CYP7B1: variants seen among roughly 807,000 people sequenced by gnomAD.
The protein encoded by CYP7B1 is cytochrome P450 family 7 subfamily B member 1.
CYP7B1 carries 29 observed loss-of-function variants against 42.7 expected under a neutral mutation model. The observed-to-expected ratio is 0.68, with a 90% confidence interval of 0.51 to 0.93. The LOEUF is 0.93. Ranked by LOEUF, CYP7B1 falls within the 40% of genes least tolerant of loss-of-function variation. CYP7B1 has a pLI of 0.00. For synonymous variants in CYP7B1, 235 were observed against 218.2 expected, an observed-to-expected ratio of 1.08 and a Z score of -0.68; for missense variants, 655 against 600.5, an observed-to-expected ratio of 1.09 and a Z score of -0.95.
At chr8:64,714,341 G>A (rs947776241) in intron 1 of CYP7B1, among the ~76,000 whole-genome samples, 1 of 152,164 alleles carries the variant, frequency 6.6e-6, no homozygotes, top group Admixed American at 6.5e-5. Context: ...GTGTGCAAAT[G>A]CATGAACAAA....
intron 1 of CYP7B1, among the ~76,000 whole-genome samples, chr8:64,784,358 A>G (rs536824917): frequency 9.0e-4 from 137 of 152,266 alleles, no homozygotes; most frequent in African/African-American, 3.3e-3. Flanking sequence ...ATATTCCACC[A>G]TGATAGCATT....
In CYP7B1 at chr8:64,604,677, C is replaced by G; in HGVS notation, c.1233+5G>C. The G allele has an allele frequency of 6.2e-7, 1 of 1,614,068 alleles. No homozygotes were observed. Among genetic ancestry groups the G allele is most frequent in the Admixed American group, 1.7e-5 (1 of 60,030 alleles). The stretch of plus-strand genomic sequence containing the variant: ...GTAGCAATCATAGGCTTGATGTTTA[C>G]TTACCTCTGGAGCTTCAAAGATTTC... On this transcript the variant is annotated splice_donor_5th_base_variant and intron_variant, in intron 5 of 5. Transcript: ENST00000310193.
chr8:64,770,997 C>A (rs1804213038), intron 1 of CYP7B1, among the ~76,000 whole-genome samples: 1 of 142,090 alleles, frequency 7.0e-6, no homozygotes, highest in Admixed American at 7.1e-5. Context: ...AAAACAACTT[C>A]CTCAATCTTC....
At chr8:64,590,295 G>T (rs528435484), downstream of CYP7B1, among the ~76,000 whole-genome samples, 1 of 152,156 alleles carries the variant, frequency 6.6e-6, no homozygotes, top group Non-Finnish European at 1.5e-5. Context: ...GAAAAGCCCA[G>T]TGTCCCAGGA....
Position 64,595,060 on chromosome 8 carries a change from G to A in CYP7B1, c.*1582C>T, listed in dbSNP as rs899068274. Among the ~76,000 whole-genome samples the A allele has an allele frequency of 6.6e-6, 1 of 152,186 alleles. No individual in the cohort carries two copies. Among genetic ancestry groups the A allele is most frequent in the African/African-American group, 2.4e-5 (1 of 41,458 alleles). Reference sequence around the variant, plus strand: ...TAATTAAACTCACTAACGGCTATCCGCCCAATAACAACAATGGATACCTTA... The same window carrying A: ...TAATTAAACTCACTAACGGCTATCCACCCAATAACAACAATGGATACCTTA... On this transcript the variant is annotated 3_prime_UTR_variant, in exon 6 of 6. Coordinates refer to ENST00000310193, the MANE Select transcript of CYP7B1 (RefSeq NM_004820.5).
intron 1 of CYP7B1, among the ~76,000 whole-genome samples, chr8:64,666,016 A>G (rs1358161672): frequency 6.6e-6 from 1 of 152,238 alleles, no homozygotes; most frequent in East Asian, 1.9e-4. Context: ...GATTTACTTT[A>G]TAAATGCATG....
Position 64,596,892 on chromosome 8 carries a change from T to G in CYP7B1, c.1271A>C (p.Lys424Thr), listed in dbSNP as rs751358527. 6.2e-7 allele frequency: 1 copy of G among 1,613,364 alleles called. No individual in the cohort carries two copies. Reference protein sequence around the residue: ...RYDRFIEDGKKKTTFFKRGKK... With the variant: ...RYDRFIEDGKTKTTFFKRGKK... Reference sequence around the variant, plus strand: ...CCCTCTTTTGAAAAAGGTGGTTTTCTTCTTACCATCTTCTATAAAACGATC... The same window carrying G: ...CCCTCTTTTGAAAAAGGTGGTTTTCGTCTTACCATCTTCTATAAAACGATC... The change falls in exon 6 of 6, where the codon AAG (lysine) becomes ACG (threonine). Residue 424 changes from lysine to threonine, a missense_variant. Transcript: ENST00000310193.
chr8:64,733,454 T>C (rs1798702081), intron 1 of CYP7B1, among the ~76,000 whole-genome samples: 1 of 152,154 alleles, frequency 6.6e-6, no homozygotes, highest in Admixed American at 6.5e-5. Context: ...ATGGGCATTA[T>C]CTCCTATCTC....
intron 1 of CYP7B1, among the ~76,000 whole-genome samples, chr8:64,700,466 A>G (rs573488585): frequency 1.3e-5 from 2 of 152,232 alleles, no homozygotes; most frequent in South Asian, 4.1e-4. Flanking sequence ...TTCCCATAGC[A>G]TTGTGTCAAA....
At chr8:64,636,486 C>T (rs1435585209) in intron 1 of CYP7B1, among the ~76,000 whole-genome samples, 3 of 152,088 alleles carry the variant, frequency 2.0e-5, no homozygotes, top group Non-Finnish European at 4.4e-5. Context: ...TGTACCAATA[C>T]CTGGGATCAT....
At chr8:64,651,383 T>A (rs1806036441) in intron 1 of CYP7B1, among the ~76,000 whole-genome samples, 1 of 152,226 alleles carries the variant, frequency 6.6e-6, no homozygotes, top group African/African-American at 2.4e-5. Flanking sequence ...CCTCTGTAAT[T>A]TAAAATAAAT....
chr8:64,613,133 C>T (rs1805386329), intron 4 of CYP7B1, among the ~76,000 whole-genome samples: 1 of 152,138 alleles, frequency 6.6e-6, no homozygotes, highest in South Asian at 2.1e-4. Flanking sequence ...ATCCAGGCTG[C>T]TGAAGGTACT....
rs1372832386 is a variant in CYP7B1 at position 64,595,749 on chromosome 8, C to T, written c.*893G>A. Among the ~76,000 whole-genome samples, 1 of 152,170 alleles carries T rather than the reference C, an allele frequency of 6.6e-6. No homozygotes were observed. The highest frequency in any genetic ancestry group is 1.5e-5 in the Non-Finnish European group (1 of 68,018). On this transcript the variant is annotated 3_prime_UTR_variant, in exon 6 of 6. Coordinates refer to ENST00000310193, the MANE Select transcript of CYP7B1 (RefSeq NM_004820.5). ...AATCCAAAAGGTGAGACATCAAAAC[C>T]AAATACTATATCTAGCTTCTCAGTT... is the stretch of plus-strand genomic sequence containing the variant.
intron 1 of CYP7B1, among the ~76,000 whole-genome samples, chr8:64,771,992 C>T (rs548757122): frequency 6.6e-6 from 1 of 152,320 alleles, no homozygotes; most frequent in African/African-American, 2.4e-5. Flanking sequence ...TGTACACCTT[C>T]CCTTCTTTCC....
intron 2 of CYP7B1, among the ~76,000 whole-genome samples, chr8:64,620,780 C>T (rs750974314): frequency 1.1e-4 from 17 of 152,282 alleles, no homozygotes; most frequent in Admixed American, 2.6e-4. Flanking sequence ...AGGGAGGTAT[C>T]GTGCACATTT....
Position 64,798,681 on chromosome 8 carries a change from C to G in CYP7B1, c.-94G>C. On this transcript the variant is annotated 5_prime_UTR_variant, in exon 1 of 6. Transcript: ENST00000310193. ...AGCCTGCGGCGGCTTCTCTCGGCGG[C>G]GCCCCCTAGTCCAGGGCCGGAGAGG... 2 of 1,356,004 alleles carry G rather than the reference C, an allele frequency of 1.5e-6. No homozygotes were observed. Among genetic ancestry groups the G allele is most frequent in the South Asian group, 1.5e-5 (1 of 64,778 alleles). The allele number at this position is 1,356,004 out of a possible 1,614,324, so 84.0% of individuals were successfully genotyped here. A position where few individuals can be genotyped will look rare whatever the true frequency, so the allele number is the denominator to read the frequency against.
chr8:64,653,665 G>A (rs962457547), intron 1 of CYP7B1, among the ~76,000 whole-genome samples: 2 of 152,152 alleles, frequency 1.3e-5, no homozygotes, highest in African/African-American at 2.4e-5. Flanking sequence ...CAGCATCATA[G>A]TGATACCAAA....
intron 1 of CYP7B1, among the ~76,000 whole-genome samples, chr8:64,675,922 C>G (rs1357025348): frequency 6.6e-6 from 1 of 152,228 alleles, no homozygotes; most frequent in East Asian, 1.9e-4. Context: ...CCATACACCC[C>G]CAGGGGGGTC....
chr8:64,744,167 G>GTCA lies in CYP7B1; in HGVS notation c.122+54296_122+54298dup, dbSNP rs1377362492. The stretch of plus-strand genomic sequence containing the variant: ...CTCCTAAAAGGAGAGGGAAAATATA[G>GTCA]TCAACTGAGTGTTAGAAGAATGAAA... On this transcript the variant is annotated intron_variant, in intron 1 of 5. Transcript: ENST00000310193. 2.0e-5 allele frequency among the ~76,000 whole-genome samples: 3 copies of GTCA among 152,104 alleles called. No homozygotes were observed. The East Asian group carries it at 5.8e-4, about 29-fold the overall frequency.
Sources: allele counts gnomAD v4.1 joint callset (sites outside exome capture counted in the v4.1 genomes callset), GRCh38; gene constraint gnomAD v4.1.1; transcripts MANE v1.5; gene names NCBI Gene and HGNC (gene_info 2026-07-23, HGNC 2026-07-21).